FRZB: variants seen among roughly 807,000 people sequenced by gnomAD.
FRZB encodes frizzled related protein, also known as secreted frizzled-related protein 3.
In FRZB, 34 loss-of-function variants were observed where a neutral mutation model predicts 32.5. That is an observed-to-expected ratio of 1.05 (90% CI 0.80 to 1.39). FRZB has a LOEUF of 1.39. Ranked by LOEUF, FRZB falls within the 40% of genes most tolerant of loss-of-function variation. FRZB has a pLI of 0.00. For synonymous variants in FRZB, 170 were observed against 159.2 expected (o/e 1.07, Z -0.51); for missense variants, 423 against 424.8 (o/e 1.00, Z 0.04).
chr2:182,852,618 T>G (rs186027210), intron 2 of FRZB, among the ~76,000 whole-genome samples: 198 of 152,288 alleles, frequency 1.3e-3, no homozygotes, highest in African/African-American at 4.7e-3. Flanking sequence ...AGCAGAAAAT[T>G]GGAAGAATTA....
At chr2:182,859,151 A>G (rs1446944687) in intron 1 of FRZB, among the ~76,000 whole-genome samples, 3 of 152,102 alleles carry the variant, frequency 2.0e-5, no homozygotes, top group African/African-American at 7.2e-5. Context: ...AGCCTATGCA[A>G]ATATTAGGCA....
intron 2 of FRZB, among the ~76,000 whole-genome samples, chr2:182,851,512 C>G (rs1695709794): frequency 6.6e-6 from 1 of 151,918 alleles, no homozygotes; most frequent in South Asian, 2.1e-4. Context: ...AAAAATTAGC[C>G]AGGCGTGGTG....
At chr2:182,859,688 T>A (rs1021031498) in intron 1 of FRZB, among the ~76,000 whole-genome samples, 2 of 152,154 alleles carry the variant, frequency 1.3e-5, no homozygotes, top group Non-Finnish European at 2.9e-5. Context: ...CTATCAGGAA[T>A]AAATTAAACA....
chr2:182,860,550 G>A (rs923785949), intron 1 of FRZB, among the ~76,000 whole-genome samples: 1 of 151,928 alleles, frequency 6.6e-6, no homozygotes, highest in Non-Finnish European at 1.5e-5. Context: ...TGAGTGAGGG[G>A]AATGAGGAAA....
chr2:182,834,930 AC>A lies in FRZB; in HGVS notation c.896del (p.Ser299IlefsTer69). 1 of 1,613,322 alleles carries A rather than the reference AC, an allele frequency of 6.2e-7. No homozygotes were observed. Among genetic ancestry groups the A allele is most frequent in the Non-Finnish European group, 8.5e-7 (1 of 1,179,504 alleles). ...WDMKLRHLGL[S>X]KSDSSNSDST... ...AATCACTATTGCTAGAATCACTTTT[AC>A]TGAGTCCAAGATGACGAAGCTTCAT... is the stretch of plus-strand genomic sequence containing the variant. On this transcript the variant is annotated frameshift_variant, in exon 6 of 6. Coordinates refer to ENST00000295113, the MANE Select transcript of FRZB (RefSeq NM_001463.4). LOFTEE classifies it high-confidence loss of function.
At chr2:182,859,700 G>T (rs80221770) in intron 1 of FRZB, among the ~76,000 whole-genome samples, 7,894 of 152,144 alleles carry the variant, frequency 0.052, 269 homozygotes, top group Non-Finnish European at 0.075. Context: ...AATTAAACAA[G>T]GGGTTAATAC....
intron 5 of FRZB, among the ~76,000 whole-genome samples, chr2:182,836,184 C>T (rs1695523660): frequency 6.6e-6 from 1 of 151,850 alleles, no homozygotes; most frequent in African/African-American, 2.4e-5. Context: ...AGGTAAACAA[C>T]CATTTGCATG....
Position 182,858,868 on chromosome 2 carries a change from T to A in FRZB, c.479-35A>T, listed in dbSNP as rs1262382686. The A allele has an allele frequency of 6.6e-6, 10 of 1,525,276 alleles. No homozygotes were observed. In the Admixed American group the frequency reaches 1.4e-4, roughly 21 times the overall value. The allele number at this position is 1,525,276 out of a possible 1,614,324, so 94.5% of individuals were successfully genotyped here. Reference sequence around the variant, plus strand: ...GGTGACAGAAAAAAGAACTATAACATATCTATTTCAAGAATTCCTAAAGAT... The same window carrying A: ...GGTGACAGAAAAAAGAACTATAACAAATCTATTTCAAGAATTCCTAAAGAT... On this transcript the variant is annotated intron_variant, in intron 1 of 5. Coordinates refer to ENST00000295113, the MANE Select transcript of FRZB (RefSeq NM_001463.4).
intron 1 of FRZB, among the ~76,000 whole-genome samples, chr2:182,863,021 C>T (rs1048356591): frequency 5.3e-5 from 8 of 152,160 alleles, no homozygotes; most frequent in African/African-American, 1.4e-4. Flanking sequence ...CCACCCGCCT[C>T]GGCCTTCCAA....
chr2:182,849,179 A>T (rs969992602), intron 2 of FRZB, among the ~76,000 whole-genome samples: 2 of 152,010 alleles, frequency 1.3e-5, no homozygotes, highest in Non-Finnish European at 2.9e-5. Flanking sequence ...GTGAGCTGAG[A>T]TCGCGCCACT....
chr2:182,861,947 T>G (rs1400104727), intron 1 of FRZB, among the ~76,000 whole-genome samples: 1 of 152,190 alleles, frequency 6.6e-6, no homozygotes, highest in Non-Finnish European at 1.5e-5. Context: ...CCCTAACCCA[T>G]CCAGAGTGCC....
At chr2:182,858,760 A>T (rs1423445481) in intron 2 of FRZB, 26 bp downstream of exon 2, 1 of 1,572,620 alleles carries the variant, frequency 6.4e-7, no homozygotes, top group Non-Finnish European at 8.7e-7. Flanking sequence ...CACAAATGAA[A>T]ACCAGGAAGA....
intron 2 of FRZB, among the ~76,000 whole-genome samples, chr2:182,844,065 C>T (rs940337441): frequency 2.0e-5 from 3 of 152,134 alleles, no homozygotes; most frequent in Non-Finnish European, 2.9e-5. Context: ...TTTAACATAG[C>T]AGTCCCGAAA....
intron 2 of FRZB, among the ~76,000 whole-genome samples, chr2:182,854,766 C>T (rs1695750026): frequency 6.6e-6 from 1 of 152,214 alleles, no homozygotes; most frequent in Admixed American, 6.5e-5. Context: ...TCTCTGTCCT[C>T]CCACCACTTG....
rs745442518 is a variant in FRZB, at chr2:182,866,355, G to T, written c.198C>A (p.Ile66=). The T allele has an allele frequency of 3.2e-5, 52 of 1,614,054 alleles. No individual in the cohort carries two copies. The highest frequency in any genetic ancestry group is 5.3e-5 in the African/African-American group (4 of 74,956). Residue 66 remains isoleucine (I), a synonymous_variant, in exon 1 of 6, where the codon ATC becomes ATA. Transcript: ENST00000295113. This position sits in a 1 kb window ranked among gnomAD's most constrained non-coding sequence, Gnocchi z 4.5. ...HLHHSTQANA[I]LAIEQFEGLL... is the part of the protein sequence containing the mutation. ...GACCTTCGAACTGCTCGATGGCCAG[G>T]ATGGCGTTGGCCTGAGTGCTGTGGT...
intron 3 of FRZB, among the ~76,000 whole-genome samples, chr2:182,842,046 G>A (rs1027134533): frequency 1.3e-5 from 2 of 152,132 alleles, no homozygotes; most frequent in African/African-American, 4.8e-5. Context: ...TTTTTCATGG[G>A]ATAGACTGAC....
At chr2:182,842,212 C>G (rs1041603803) in intron 3 of FRZB, among the ~76,000 whole-genome samples, 6 of 152,164 alleles carry the variant, frequency 3.9e-5, no homozygotes, top group Non-Finnish European at 8.8e-5. Flanking sequence ...TATCTTGATA[C>G]TTATCTCTGT....
intron 2 of FRZB, among the ~76,000 whole-genome samples, chr2:182,848,783 C>G (rs984506848): frequency 3.9e-5 from 6 of 152,084 alleles, no homozygotes; most frequent in South Asian, 2.1e-4. Context: ...CTCAAAAATG[C>G]CATGGTATGC....
At chr2:182,845,668 T>C (rs1051670001) in intron 2 of FRZB, among the ~76,000 whole-genome samples, 1 of 152,214 alleles carries the variant, frequency 6.6e-6, no homozygotes, top group Non-Finnish European at 1.5e-5. Flanking sequence ...GCAATTCATT[T>C]ACCTCAAAGC....
Sources: allele counts gnomAD v4.1 joint callset (sites outside exome capture counted in the v4.1 genomes callset), GRCh38; gene constraint gnomAD v4.1.1; non-coding constraint Gnocchi (gnomAD v3.1); transcripts MANE v1.5; gene names NCBI Gene and HGNC (gene_info 2026-07-23, HGNC 2026-07-21).